The following FER variants were observed in gnomAD, a reference collection of about 807,000 sequenced individuals.
The protein encoded by FER is tyrosine-protein kinase Fer.
Under a neutral mutation model 111.0 loss-of-function variants are expected in FER, and 63 were observed. The observed-to-expected ratio is 0.57, with a 90% CI of 0.46 to 0.70. The LOEUF is 0.70. FER is among the 30% of genes least tolerant of loss of function. FER has a pLI of 0.00. For synonymous variants in FER, 327 were observed against 313.9 expected, an observed-to-expected ratio of 1.04 and a Z score of -0.44; for missense variants, 914 against 954.0, an observed-to-expected ratio of 0.96 and a Z score of 0.55.
intron 17 of FER, among the ~76,000 whole-genome samples, chr5:109,101,853 C>T (rs528854147): frequency 2.0e-5 from 3 of 152,132 alleles, no homozygotes; most frequent in South Asian, 2.1e-4. Context: ...TTTTGGTTGC[C>T]GAGGTATTGA....
chr5:108,966,372 A>G (rs72789315), intron 13 of FER, among the ~76,000 whole-genome samples: 17,313 of 149,032 alleles, frequency 0.12, 1,085 homozygotes, highest in Middle Eastern at 0.16. Flanking sequence ...TATTTATTAT[A>G]CTTCCTTTTT....
chr5:109,106,642 G>C (rs1216893477), intron 17 of FER, among the ~76,000 whole-genome samples: 1 of 151,882 alleles, frequency 6.6e-6, no homozygotes, highest in African/African-American at 2.4e-5. Context: ...TTACAAATTG[G>C]TATTTGTATA....
chr5:109,131,926 T>G (rs1411959732), intron 17 of FER, among the ~76,000 whole-genome samples: 1 of 152,134 alleles, frequency 6.6e-6, no homozygotes, highest in East Asian at 1.9e-4. Flanking sequence ...ACAGATCCAG[T>G]TAAAATTCAG....
At chr5:108,819,023 T>C (rs1211792385) in intron 3 of FER, among the ~76,000 whole-genome samples, 1 of 152,118 alleles carries the variant, frequency 6.6e-6, no homozygotes, top group Non-Finnish European at 1.5e-5. Context: ...AGTTATTCTT[T>C]TTTATTTTTA....
chr5:108,775,982 G>A (rs1324533180), intron 2 of FER, among the ~76,000 whole-genome samples: 1 of 152,168 alleles, frequency 6.6e-6, no homozygotes, highest in Non-Finnish European at 1.5e-5. Context: ...TTCAAACACA[G>A]TCACTCTATT....
intron 17 of FER, among the ~76,000 whole-genome samples, chr5:109,104,222 T>TA: frequency 6.6e-6 from 1 of 152,362 alleles, no homozygotes; most frequent in South Asian, 2.1e-4. Context: ...AGACCACATT[T>TA]ATTTTATTAA....
chr5:109,114,357 T>C (rs1323618853), intron 17 of FER, among the ~76,000 whole-genome samples: 1 of 152,182 alleles, frequency 6.6e-6, no homozygotes, highest in Non-Finnish European at 1.5e-5. Context: ...AAGTAAACTT[T>C]ATTCAAATAA....
Position 109,190,788 on chromosome 5 carries a change from A to G in FER, c.*3213A>G, listed in dbSNP as rs1759322849. The G allele has an allele frequency of 6.6e-6, 1 of 152,170 alleles. No homozygotes were observed. The highest frequency in any genetic ancestry group is 1.5e-5 in the Non-Finnish European group (1 of 68,008). 9.4% of individuals were successfully genotyped at this position (152,170 alleles called of 1,614,324 possible). A position where few individuals can be genotyped will look rare whatever the true frequency, so the allele number is the denominator to read the frequency against. On this transcript the variant is annotated 3_prime_UTR_variant, in exon 20 of 20. Transcript: ENST00000281092. ...TGGGCAATAAAATTCTCCTTTCGTAATTCACTGTTTTATTACAAATACGAT... is the reference window on the plus strand; with the variant it reads ...TGGGCAATAAAATTCTCCTTTCGTAGTTCACTGTTTTATTACAAATACGAT...
intron 13 of FER, among the ~76,000 whole-genome samples, chr5:108,996,521 C>A (rs1206446918): frequency 1.3e-5 from 2 of 152,138 alleles, no homozygotes; most frequent in Non-Finnish European, 2.9e-5. Flanking sequence ...ATAGGGAATC[C>A]TTTCCTCATT....
chr5:108,835,419 A>C (rs1163036792), intron 4 of FER, among the ~76,000 whole-genome samples: 1 of 152,032 alleles, frequency 6.6e-6, no homozygotes, highest in Non-Finnish European at 1.5e-5. Context: ...TACTGACCCC[A>C]AGTGATCTGC....
At chr5:109,053,502 C>G (rs1477732845) in intron 16 of FER, among the ~76,000 whole-genome samples, 4 of 151,920 alleles carry the variant, frequency 2.6e-5, no homozygotes, top group Non-Finnish European at 4.4e-5. Context: ...TTTCTTCTAC[C>G]TTTTACTACC....
At chr5:108,853,150 G>A (rs541649608) in intron 5 of FER, among the ~76,000 whole-genome samples, 53 of 152,156 alleles carry the variant, frequency 3.5e-4, no homozygotes, top group African/African-American at 1.2e-3. Context: ...TATAAACAGC[G>A]TGATCTGAAC....
intron 10 of FER, among the ~76,000 whole-genome samples, chr5:108,924,360 C>CAAAAAAAAAAAAA (rs59469649): frequency 2.5e-4 from 25 of 99,082 alleles, no homozygotes; most frequent in African/African-American, 8.9e-4. Context: ...AACTCTGTCT[C>CAAAAAAAAAAAAA]AAAAAAAAAA....
At chr5:108,755,769 A>G (rs929942263) in intron 1 of FER, among the ~76,000 whole-genome samples, 1 of 150,698 alleles carries the variant, frequency 6.6e-6, no homozygotes, top group African/African-American at 2.4e-5. Flanking sequence ...TACAGGCATG[A>G]GCCACAGTGG....
intron 2 of FER, chr5:108,785,044 C>A: frequency 5.4e-6 from 2 of 373,554 alleles, no homozygotes; most frequent in South Asian, 3.9e-5. Flanking sequence ...GTATGAGAGT[C>A]ACAGAGTGGG....
intron 16 of FER, among the ~76,000 whole-genome samples, chr5:109,065,498 C>T (rs571551132): frequency 3.3e-4 from 50 of 152,150 alleles, no homozygotes; most frequent in African/African-American, 1.0e-3. Context: ...GAAATGATGA[C>T]GATACAAAGT....
intron 10 of FER, among the ~76,000 whole-genome samples, chr5:108,922,821 A>C (rs774058405): frequency 1.3e-5 from 2 of 152,188 alleles, no homozygotes; most frequent in Non-Finnish European, 2.9e-5. Flanking sequence ...AACAAAATTA[A>C]TAAATTGTTA....
chr5:108,940,003 GTCCTC>G (rs1336295680), intron 10 of FER, among the ~76,000 whole-genome samples: 1 of 151,992 alleles, frequency 6.6e-6, no homozygotes. Flanking sequence ...TCCTTGTGAG[GTCCTC>G]TGCAACAAAT....
chr5:108,749,818 G>C (rs1750254665), intron 1 of FER, among the ~76,000 whole-genome samples: 1 of 152,156 alleles, frequency 6.6e-6, no homozygotes, highest in Non-Finnish European at 1.5e-5. Context: ...TTACCCCTAG[G>C]ATCTACTTTC....
Sources: allele counts gnomAD v4.1 joint callset (sites outside exome capture counted in the v4.1 genomes callset), GRCh38; gene constraint gnomAD v4.1.1; transcripts MANE v1.5; gene names NCBI Gene and HGNC (gene_info 2026-07-23, HGNC 2026-07-21).